CDK8: variants seen among roughly 807,000 people sequenced by gnomAD.
CDK8 encodes the protein cyclin dependent kinase 8.
CDK8 carries 29 observed loss-of-function variants against 71.5 expected under a neutral mutation model. The ratio of observed to expected loss-of-function variants is 0.41; its 90% CI spans 0.30 to 0.55. CDK8 has a LOEUF of 0.55. Ranked by LOEUF, CDK8 falls within the 20% of genes least tolerant of loss-of-function variation. CDK8 has a pLI of 0.37. For synonymous variants in CDK8, 161 were observed against 192.1 expected (o/e 0.84, Z 1.34); for missense variants, 288 against 572.6 (o/e 0.50, Z 5.07).
At chr13:26,268,006 C>G (rs534374766) in intron 1 of CDK8, among the ~76,000 whole-genome samples, 1 of 152,160 alleles carries the variant, frequency 6.6e-6, no homozygotes, top group Non-Finnish European at 1.5e-5. Flanking sequence ...CCTAGCAGAT[C>G]ACTGCAAGCA....
Position 26,397,162 on chromosome 13 carries a change from C to A in CDK8, c.870C>A (p.Asn290Lys). The A allele has an allele frequency of 6.3e-7, 1 of 1,584,080 alleles. No individual in the cohort carries two copies. The highest frequency in any genetic ancestry group is 8.7e-7 in the Non-Finnish European group (1 of 1,154,704). Reference protein sequence around the residue: ...MKDFRRNTYTNCSLIKYMEKH... With the variant: ...MKDFRRNTYTKCSLIKYMEKH... ...AGTATTTCTCTTTCAGGTATACCAA[C>A]TGCAGCCTTATCAAGTATATGGAAA... Residue 290 changes from asparagine to lysine, a missense_variant, in exon 9 of 13, where the codon AAC becomes AAA. Physicochemically the swap from Asn to Lys is moderately conservative, Grantham distance 94. This residue lies in a region of CDK8 where 96 missense variants were observed against 229.8 expected (regional missense o/e 0.42). Transcript: ENST00000381527.
intron 4 of CDK8, among the ~76,000 whole-genome samples, chr13:26,366,671 T>C (rs1215798642): frequency 6.6e-6 from 1 of 152,198 alleles, no homozygotes; most frequent in African/African-American, 2.4e-5. Flanking sequence ...CCCAAATAGA[T>C]GTGTGAATTT....
At chr13:26,311,775 A>G (rs945779021) in intron 1 of CDK8, among the ~76,000 whole-genome samples, 1 of 152,068 alleles carries the variant, frequency 6.6e-6, no homozygotes, top group African/African-American at 2.4e-5. Context: ...TCTCATTATC[A>G]TTGGCCAGAA....
chr13:26,349,266 T>C, intron 3 of CDK8, 84 bp downstream of exon 3: 1 of 760,422 alleles, frequency 1.3e-6, no homozygotes, highest in African/African-American at 1.8e-5. Flanking sequence ...CTGCTTATTA[T>C]GAGACTTATG....
intron 4 of CDK8, among the ~76,000 whole-genome samples, chr13:26,365,774 A>C (rs1874358885): frequency 6.6e-6 from 1 of 152,110 alleles, no homozygotes; most frequent in Non-Finnish European, 1.5e-5. Context: ...AAACCTGGAC[A>C]GATAGGGAGA....
chr13:26,321,903 TA>T (rs1446383586), intron 1 of CDK8, among the ~76,000 whole-genome samples: 1 of 152,188 alleles, frequency 6.6e-6, no homozygotes, highest in African/African-American at 2.4e-5. Context: ...AATACCCTAT[TA>T]TACATACTTA....
At chr13:26,295,681 G>T (rs978862665) in intron 1 of CDK8, among the ~76,000 whole-genome samples, 4 of 152,214 alleles carry the variant, frequency 2.6e-5, no homozygotes, top group African/African-American at 2.4e-5. Context: ...CTGGGCAGGA[G>T]TTCCTGGAAT....
chr13:26,340,273 C>T (rs905988010), intron 2 of CDK8, among the ~76,000 whole-genome samples: 8 of 151,898 alleles, frequency 5.3e-5, no homozygotes, highest in East Asian at 1.9e-4. Flanking sequence ...AATTTTTAAA[C>T]GTGAGGTATT....
intron 1 of CDK8, among the ~76,000 whole-genome samples, chr13:26,313,498 T>C (rs1358273831): frequency 6.6e-6 from 1 of 152,212 alleles, no homozygotes; most frequent in Non-Finnish European, 1.5e-5. Context: ...GACATAACTT[T>C]GAGGTGCAGG....
chr13:26,261,006 T>G (rs532977591), intron 1 of CDK8, among the ~76,000 whole-genome samples: 46 of 152,320 alleles, frequency 3.0e-4, no homozygotes, highest in African/African-American at 1.1e-3. Flanking sequence ...CTTTGTGAAT[T>G]TTTTCCTTCA....
chr13:26,263,589 G>A (rs770476335), intron 1 of CDK8, among the ~76,000 whole-genome samples: 18 of 151,506 alleles, frequency 1.2e-4, no homozygotes, highest in Non-Finnish European at 2.4e-4. Context: ...TTACAGGCAT[G>A]TGCCACCAGC....
chr13:26,353,193 G>C (rs1873753451), intron 3 of CDK8, among the ~76,000 whole-genome samples: 2 of 152,268 alleles, frequency 1.3e-5, no homozygotes, highest in South Asian at 4.1e-4. Context: ...AGAAAGCTTT[G>C]ATGGATGGTA....
intron 4 of CDK8, among the ~76,000 whole-genome samples, chr13:26,360,121 T>C (rs11617319): frequency 0.83 from 126,069 of 152,186 alleles, 53,937 homozygotes; most frequent in East Asian, 0.99. Flanking sequence ...AATTTCAAAG[T>C]CAGTTAATAT....
chr13:26,349,038 C>T, intron 2 of CDK8, 34 bp from the exon 3 acceptor site: 1 of 1,215,804 alleles, frequency 8.2e-7, no homozygotes, highest in Non-Finnish European at 1.2e-6. Context: ...ATTTTTGTGA[C>T]AGAAATAGTT....
At chr13:26,397,278 G>A (rs9581662) in intron 9 of CDK8, 53 bp downstream of exon 9, 1 of 1,126,886 alleles carries the variant, frequency 8.9e-7, no homozygotes, top group Admixed American at 2.0e-5. Context: ...TAATTGACTA[G>A]CCCAACTGAG....
intron 1 of CDK8, among the ~76,000 whole-genome samples, chr13:26,271,678 T>TA (rs1483565593): frequency 6.6e-6 from 1 of 151,720 alleles, no homozygotes; most frequent in African/African-American, 2.4e-5. Context: ...GGCTTGGTGG[T>TA]ATTTGCCTGT....
chr13:26,292,098 A>T (rs1339077221), intron 1 of CDK8, among the ~76,000 whole-genome samples: 1 of 152,234 alleles, frequency 6.6e-6, no homozygotes, highest in East Asian at 1.9e-4. Context: ...GGGGTATTTC[A>T]AAAGTTTTAG....
rs2137842231 is a variant in CDK8 at position 26,254,593 on chromosome 13, CTG to C, written c.-48_-47del. 4 of 1,244,718 alleles carry C rather than the reference CTG, an allele frequency of 3.2e-6. No individual in the cohort carries two copies. The highest frequency in any genetic ancestry group is 3.4e-6 in the Non-Finnish European group (3 of 883,426). The allele number at this position is 1,244,718 out of a possible 1,614,324, so 77.1% of individuals were successfully genotyped here. ...GCCCGTGCTTCCCCGGTCCCCACCC[CTG>C]CCCCCCGGCCCCCCGACCCAGCTCT... On this transcript the variant is annotated 5_prime_UTR_variant, in exon 1 of 13. Transcript: ENST00000381527. This position sits in a 1 kb window ranked among gnomAD's most constrained non-coding sequence, Gnocchi z 6.7.
intron 4 of CDK8, among the ~76,000 whole-genome samples, chr13:26,368,527 G>A (rs1874501653): frequency 6.6e-6 from 1 of 152,170 alleles, no homozygotes. Flanking sequence ...TCACACCACG[G>A]AGGCTGAGAC....
Sources: gnomAD v4.1 joint callset for allele counts (sites outside exome capture counted in the v4.1 genomes callset) on GRCh38, gnomAD v4.1.1 for gene constraint, gnomAD v4.1.1 regional missense constraint, Gnocchi (gnomAD v3.1) non-coding constraint, MANE v1.5 for transcripts, NCBI Gene and HGNC (gene_info 2026-07-23, HGNC 2026-07-21) for gene names.